NDUFS1: variants seen among roughly 807,000 people sequenced by gnomAD.
NDUFS1 encodes the protein NADH-ubiquinone oxidoreductase 75 kDa subunit, mitochondrial.
Under a neutral mutation model 84.4 loss-of-function variants are expected in NDUFS1, and 61 were observed. The observed-to-expected ratio is 0.72, with a 90% CI of 0.59 to 0.89. The LOEUF is 0.89. Among genes scored for constraint, NDUFS1 ranks in the 40% least tolerant of loss-of-function variants. The pLI is 0.00. For missense variants in NDUFS1, 891 were observed against 890.0 expected, an observed-to-expected ratio of 1.00 and a Z score of -0.01; for synonymous variants, 275 against 290.0, an observed-to-expected ratio of 0.95 and a Z score of 0.53.
chr2:206,159,392 G>C lies in NDUFS1; in HGVS notation c.-56C>G, dbSNP rs1687819727. The C allele has an allele frequency of 1.9e-6, 1 of 528,048 alleles. No homozygotes were observed. The highest frequency in any genetic ancestry group is 3.2e-5 in the Admixed American group (1 of 31,096). The allele number at this position is 528,048 out of a possible 1,614,324, so 32.7% of individuals were successfully genotyped here. ...TCTGCTAAACTGTCTGGACCACGAC[G>C]ACCCCCTAGGAGGCCGGGTCGCTTA... On this transcript the variant is annotated 5_prime_UTR_variant, in exon 1 of 19. Coordinates refer to ENST00000233190, the MANE Select transcript of NDUFS1 (RefSeq NM_005006.7).
At chr2:206,151,109 T>C (rs1277553183) in intron 3 of NDUFS1, among the ~76,000 whole-genome samples, 1 of 152,192 alleles carries the variant, frequency 6.6e-6, no homozygotes, top group Admixed American at 6.5e-5. Context: ...GCTTTTTCCT[T>C]GTCTCTTATT....
chr2:206,131,515 A>ACAGCTGTG (rs1184143187), intron 14 of NDUFS1, among the ~76,000 whole-genome samples: 1 of 152,150 alleles, frequency 6.6e-6, no homozygotes, highest in African/African-American at 2.4e-5. Context: ...AAAATATTAC[A>ACAGCTGTG]CAGCTGTGAG....
intron 18 of NDUFS1, 29 bp from the exon 19 acceptor site, chr2:206,124,305 GATA>G: frequency 6.5e-7 from 1 of 1,534,510 alleles, no homozygotes; most frequent in Non-Finnish European, 9.0e-7. Context: ...ATGTCATTTT[GATA>G]ATACAACTTT....
rs2105931255 is a variant in NDUFS1, at chr2:206,114,894, ACAC to A, written c.*9288_*9290del. ...TAAGCATATACATATATACACACAC[ACAC>A]ATTATTGTACACTTAATTTATGTCC... On this transcript the variant is annotated 3_prime_UTR_variant, in exon 19 of 19. Transcript: ENST00000233190. The A allele has an allele frequency of 6.6e-6, 1 of 152,326 alleles. No homozygotes were observed. Among genetic ancestry groups the A allele is most frequent in the South Asian group, 2.1e-4 (1 of 4,828 alleles). 9.4% of individuals were successfully genotyped at this position (152,326 alleles called of 1,614,324 possible).
At position 206,121,159 on chromosome 2, in the gene NDUFS1, T is replaced by G. The variant is rs1691083872; in HGVS notation, c.*3026A>C. ...TTTAGAAGGTCCTCAGGAAATGGTA[T>G]TATTATTCCAAGGTCTTTCTAGATT... On this transcript the variant is annotated 3_prime_UTR_variant, in exon 19 of 19. Coordinates refer to ENST00000233190, the MANE Select transcript of NDUFS1 (RefSeq NM_005006.7). 1 of 151,480 alleles carries G rather than the reference T, an allele frequency of 6.6e-6. No homozygotes were observed. Among genetic ancestry groups the G allele is most frequent in the Admixed American group, 6.6e-5 (1 of 15,246 alleles). The allele number at this position is 151,480 out of a possible 1,614,324, so 9.4% of individuals were successfully genotyped here.
At chr2:206,140,943 T>TATATATATATACACACACACACACAC (rs367723817) in intron 12 of NDUFS1, among the ~76,000 whole-genome samples, 53 of 136,128 alleles carry the variant, frequency 3.9e-4, no homozygotes, top group African/African-American at 7.5e-4. Flanking sequence ...TATATATATA[T>TATATATATATACACACACACACACAC]ACACACACAC....
At chr2:206,141,734 C>A (rs1476667443) in intron 12 of NDUFS1, among the ~76,000 whole-genome samples, 1 of 147,336 alleles carries the variant, frequency 6.8e-6, no homozygotes, top group African/African-American at 2.5e-5. Flanking sequence ...CGAGGCGGAG[C>A]TTGCAGAGCC....
chr2:206,147,029 A>C lies in NDUFS1; in HGVS notation c.611T>G (p.Met204Arg). The C allele has an allele frequency of 6.2e-7, 1 of 1,614,132 alleles. No homozygotes were observed. The highest frequency in any genetic ancestry group is 8.5e-7 in the Non-Finnish European group (1 of 1,180,004). The stretch of plus-strand genomic sequence containing the variant: ...CTTTTCAATGTATGTGCCAACTTGC[A>C]TATCATTTCCTCTGCCTGTTGTTCC... ...DLGTTGRGND[M>R]QVGTYIEKMF... Residue 204 changes from methionine to arginine, a missense_variant, in exon 8 of 19, where the codon ATG becomes AGG. Physicochemically the swap from Met to Arg is moderately conservative, Grantham distance 91 (BLOSUM62 -1). Transcript: ENST00000233190.
At position 206,152,527 on chromosome 2, in the gene NDUFS1, T is replaced by C. The variant is rs199998154; in HGVS notation, c.62-17A>G. On this transcript the variant is annotated splice_polypyrimidine_tract_variant and intron_variant, in intron 2 of 18. Coordinates refer to ENST00000233190, the MANE Select transcript of NDUFS1 (RefSeq NM_005006.7). ...TTGTTCGAACTGACCATCAAAGATATTGAAGCGAAAAACAGATTAACAGTT... is the reference window on the plus strand; with the variant it reads ...TTGTTCGAACTGACCATCAAAGATACTGAAGCGAAAAACAGATTAACAGTT... 34 of 1,608,726 alleles carry C rather than the reference T, an allele frequency of 2.1e-5. No homozygotes were observed. Among genetic ancestry groups the C allele is most frequent in the East Asian group, 4.5e-5 (2 of 44,832 alleles).
intron 3 of NDUFS1, 35 bp downstream of exon 3, chr2:206,152,384 A>AAC (rs758645727): frequency 1.4e-5 from 22 of 1,532,658 alleles, no homozygotes; most frequent in Middle Eastern, 3.4e-4. Flanking sequence ...AAAAAATCAG[A>AAC]ACACACACAC....
At chr2:206,159,310 C>A (rs1687816356) in intron 1 of NDUFS1, 31 bp downstream of exon 1, 1 of 659,552 alleles carries the variant, frequency 1.5e-6, no homozygotes, top group African/African-American at 1.8e-5. Context: ...GGCCGACGCA[C>A]CTCACCCTTC....
chr2:206,128,315 G>A (rs1489258751), intron 15 of NDUFS1, among the ~76,000 whole-genome samples: 1 of 151,934 alleles, frequency 6.6e-6, no homozygotes, highest in Non-Finnish European at 1.5e-5. Context: ...ACAGGTGCCT[G>A]CCACCACACT....
At chr2:206,156,173 G>A (rs1687643881) in intron 1 of NDUFS1, among the ~76,000 whole-genome samples, 1 of 150,076 alleles carries the variant, frequency 6.7e-6, no homozygotes, top group Admixed American at 6.7e-5. Context: ...TGAGGCAGGA[G>A]AATGGCGTGA....
intron 14 of NDUFS1, 33 bp downstream of exon 14, chr2:206,132,912 A>C: frequency 6.3e-7 from 1 of 1,578,596 alleles, no homozygotes; most frequent in Non-Finnish European, 8.7e-7. Context: ...CATTACTTGA[A>C]TTTATAGTAT....
chr2:206,155,947 G>A (rs1338670481), intron 1 of NDUFS1, among the ~76,000 whole-genome samples: 1 of 151,154 alleles, frequency 6.6e-6, no homozygotes, highest in African/African-American at 2.4e-5. Context: ...CTATTCACTT[G>A]ATCATATAGG....
At chr2:206,153,242 C>T (rs922277891) in intron 2 of NDUFS1, among the ~76,000 whole-genome samples, 1 of 150,128 alleles carries the variant, frequency 6.7e-6, no homozygotes, top group African/African-American at 2.5e-5. Context: ...ATCTCCCAGG[C>T]TGGAGTGCAG....
Position 206,147,507 on chromosome 2 carries a change from AGAAAAAAAAG to A in NDUFS1, c.551+14_551+23del, listed in dbSNP as rs762816867. ...TAAGTATACAATTATATTCTATAAT[AGAAAAAAAAG>A]GAAAAAAAGTTACCTGATGCAGCGA... On this transcript the variant is annotated intron_variant, in intron 7 of 18. Transcript: ENST00000233190. The A allele has an allele frequency of 6.3e-7, 1 of 1,597,772 alleles. No individual in the cohort carries two copies. The highest frequency in any genetic ancestry group is 1.4e-5 in the African/African-American group (1 of 73,912).
intron 12 of NDUFS1, among the ~76,000 whole-genome samples, chr2:206,140,852 G>A (rs1691909171): frequency 6.6e-6 from 1 of 150,794 alleles, no homozygotes; most frequent in African/African-American, 2.5e-5. Flanking sequence ...GTATAAAAGG[G>A]CACCATGTCC....
chr2:206,125,008 A>T (rs1446851792), intron 18 of NDUFS1, among the ~76,000 whole-genome samples: 1 of 151,968 alleles, frequency 6.6e-6, no homozygotes, highest in Non-Finnish European at 1.5e-5. Flanking sequence ...CAAGTGAATA[A>T]TCTCACTTTT....
Sources: gnomAD v4.1 joint callset for allele counts (sites outside exome capture counted in the v4.1 genomes callset) on GRCh38, gnomAD v4.1.1 for gene constraint, MANE v1.5 for transcripts, NCBI Gene and HGNC (gene_info 2026-07-23, HGNC 2026-07-21) for gene names.